The following TCF4 variants were observed in gnomAD, a reference collection of about 807,000 sequenced individuals.
TCF4 encodes transcription factor 4, also known as SL3-3 enhancer factor 2.
A neutral mutation model predicts 82.1 loss-of-function variants in TCF4; 3 were observed. That is an observed-to-expected ratio of 0.04 (90% CI 0.02 to 0.09). The LOEUF (loss-of-function observed/expected upper bound fraction) is 0.09, where lower values mean the gene tolerates loss of function less well. Among genes scored for constraint, TCF4 ranks in the 10% least tolerant of loss-of-function variants. The probability of loss-of-function intolerance (pLI) is 1.00; values close to 1 mark genes in which losing one functional copy is unlikely to be tolerated. For missense variants in TCF4, 518 were observed against 852.7 expected, an observed-to-expected ratio of 0.61 and a Z score of 4.89; for synonymous variants, 276 against 309.6, an observed-to-expected ratio of 0.89 and a Z score of 1.14.
chr18:55,511,331 T>TAAAAAAAAA lies in TCF4; in HGVS notation c.146-47203_146-47195dup, dbSNP rs59685050. Among the ~76,000 whole-genome samples, 8 of 131,384 alleles carry TAAAAAAAAA rather than the reference T, an allele frequency of 6.1e-5. 2 individuals carry two copies. The highest frequency in any genetic ancestry group is 3.2e-5 in the Non-Finnish European group (2 of 63,420). The allele number at this position is 131,384 out of a possible 152,430, so 86.2% of individuals were successfully genotyped here. ...AGGTAATAGAGTAATTCCAAAAGTTTAAAAAAAAAAAAAAAAAAAGCATTC... is the reference window on the plus strand; with the variant it reads ...AGGTAATAGAGTAATTCCAAAAGTTTAAAAAAAAAAAAAAAAAAAAAAAAAAAAGCATTC... On this transcript the variant is annotated intron_variant, in intron 3 of 19. Coordinates refer to ENST00000354452, the MANE Select transcript of TCF4 (RefSeq NM_001083962.2).
chr18:55,629,451 A>T (rs1016221779), intron 2 of TCF4, among the ~76,000 whole-genome samples: 1 of 152,222 alleles, frequency 6.6e-6, no homozygotes, highest in Non-Finnish European at 1.5e-5. Flanking sequence ...AAGATCATAA[A>T]CATAATACCA....
chr18:55,266,501 T>C (rs1308960272), intron 11 of TCF4: 3 of 152,124 alleles, frequency 2.0e-5, no homozygotes, highest in Non-Finnish European at 2.9e-5. Flanking sequence ...ATTCCTCTAA[T>C]TGGAGGGCTA....
At chr18:55,279,696 G>A (rs1156900477) in intron 8 of TCF4, 40 bp from the exon 9 acceptor site, 5 of 1,612,872 alleles carry the variant, frequency 3.1e-6, no homozygotes, top group Non-Finnish European at 4.2e-6. Flanking sequence ...TTTTTGCATT[G>A]ACCACAGCAG....
At chr18:55,560,998 C>T (rs2097350542) in intron 3 of TCF4, among the ~76,000 whole-genome samples, 1 of 152,250 alleles carries the variant, frequency 6.6e-6, no homozygotes, top group Non-Finnish European at 1.5e-5. Flanking sequence ...GCTTTCATTG[C>T]ATGGCCCTAG....
intron 3 of TCF4, chr18:55,510,596 A>G: frequency 1.3e-6 from 2 of 1,513,368 alleles, no homozygotes; most frequent in South Asian, 1.2e-5. Context: ...GTCCTCTTCC[A>G]TATGAATAGG....
At chr18:55,321,915 G>A (rs2075585766) in intron 8 of TCF4, 15 of 1,397,652 alleles carry the variant, frequency 1.1e-5, no homozygotes, top group Non-Finnish European at 1.4e-5. Context: ...CCGCGGCGCT[G>A]CTGTCAGACG....
At chr18:55,249,170 A>G (rs2054247221) in intron 15 of TCF4, among the ~76,000 whole-genome samples, 1 of 152,162 alleles carries the variant, frequency 6.6e-6, no homozygotes, top group South Asian at 2.1e-4. Flanking sequence ...TCTAAAATTC[A>G]GTGGTCTGAG....
intron 3 of TCF4, among the ~76,000 whole-genome samples, chr18:55,490,267 A>G (rs999195580): frequency 2.6e-5 from 4 of 152,096 alleles, no homozygotes; most frequent in Non-Finnish European, 5.9e-5. Flanking sequence ...CAGATTCAAG[A>G]TATTTTTTAT....
chr18:55,591,938 A>G (rs1400402553), upstream of TCF4, among the ~76,000 whole-genome samples: 1 of 152,196 alleles, frequency 6.6e-6, no homozygotes, highest in Non-Finnish European at 1.5e-5. Flanking sequence ...TGACCCTACA[A>G]TCAGAAAACC....
At chr18:55,429,653 C>T (rs559143389) in intron 5 of TCF4, among the ~76,000 whole-genome samples, 3 of 139,662 alleles carry the variant, frequency 2.1e-5, no homozygotes, top group South Asian at 2.4e-4. Context: ...CCCAGCTACT[C>T]GGGAGGCTGA....
chr18:55,422,735 T>G (rs2094820507), intron 5 of TCF4, among the ~76,000 whole-genome samples: 1 of 152,202 alleles, frequency 6.6e-6, no homozygotes, highest in South Asian at 2.1e-4. Flanking sequence ...GACTGCGACA[T>G]GAATTTTCAT....
chr18:55,234,338 C>A, intron 16 of TCF4: 1 of 663,356 alleles, frequency 1.5e-6, no homozygotes, highest in South Asian at 1.9e-5. Context: ...ACCAGGATTT[C>A]AGAGGATGTT....
At chr18:55,545,433 G>A (rs2097197717) in intron 3 of TCF4, among the ~76,000 whole-genome samples, 1 of 151,864 alleles carries the variant, frequency 6.6e-6, no homozygotes, top group African/African-American at 2.4e-5. Context: ...TTTGGTCTGG[G>A]GTTTTTTTTG....
intron 15 of TCF4, among the ~76,000 whole-genome samples, chr18:55,236,264 C>T (rs376907600): frequency 3.3e-5 from 5 of 152,094 alleles, no homozygotes; most frequent in East Asian, 1.9e-4. Context: ...CACTGCTCCC[C>T]GGTGCCTGTG....
chr18:55,265,037 C>T (rs566804464), intron 11 of TCF4: 3 of 152,330 alleles, frequency 2.0e-5, no homozygotes, highest in African/African-American at 7.2e-5. Context: ...CTAGACCACC[C>T]TCTGTCTCAG....
intron 8 of TCF4, chr18:55,320,983 G>T (rs911854380): frequency 6.6e-6 from 1 of 152,528 alleles, no homozygotes; most frequent in Non-Finnish European, 1.5e-5. Context: ...TCTGTTGGAA[G>T]GGGGGGAAAT....
intron 8 of TCF4, among the ~76,000 whole-genome samples, chr18:55,309,042 G>A (rs1178475308): frequency 1.3e-5 from 2 of 152,080 alleles, no homozygotes; most frequent in Non-Finnish European, 2.9e-5. Context: ...GTGCAACCAA[G>A]GAAGTGATCT....
chr18:55,614,278 T>A (rs1416244679), intron 2 of TCF4, among the ~76,000 whole-genome samples: 1 of 152,202 alleles, frequency 6.6e-6, no homozygotes, highest in African/African-American at 2.4e-5. Flanking sequence ...CTTAGTTACA[T>A]ATCTAGGAGT....
intron 18 of TCF4, 24 bp from the exon 19 acceptor site, chr18:55,228,385 C>A (rs751225117): frequency 1.9e-6 from 3 of 1,612,846 alleles, no homozygotes; most frequent in Non-Finnish European, 2.5e-6. Flanking sequence ...AAGCACAGAA[C>A]CTTTGTTTAA....
Sources: gnomAD v4.1 joint callset for allele counts (sites outside exome capture counted in the v4.1 genomes callset) on GRCh38, gnomAD v4.1.1 for gene constraint, MANE v1.5 for transcripts, NCBI Gene and HGNC (gene_info 2026-07-23, HGNC 2026-07-21) for gene names.